HNRNPA1L2: variants seen among roughly 807,000 people sequenced by gnomAD.
HNRNPA1L2 encodes heterogeneous nuclear ribonucleoprotein A1 like 2.
Under a neutral mutation model 18.2 loss-of-function variants are expected in HNRNPA1L2, and 10 were observed. The ratio of observed to expected loss-of-function variants is 0.55; its 90% CI spans 0.34 to 0.93. HNRNPA1L2 has a LOEUF of 0.93. HNRNPA1L2 is among the 40% of genes least tolerant of loss of function. The pLI, the probability that HNRNPA1L2 is intolerant of heterozygous loss-of-function variation, is 0.02. For synonymous variants in HNRNPA1L2, 124 were observed against 138.6 expected (o/e 0.89, Z 0.74); for missense variants, 308 against 394.4 (o/e 0.78, Z 1.85).
the HNRNPA1L2 span, among the ~76,000 whole-genome samples, chr13:52,624,821 G>C: frequency 6.6e-6 from 1 of 152,142 alleles, no homozygotes; most frequent in African/African-American, 2.4e-5. Context: ...CTTGAGGTTA[G>C]GAGCTGAGAC....
At chr13:52,623,087 C>G in the HNRNPA1L2 span, among the ~76,000 whole-genome samples, 1,219 of 152,164 alleles carry the variant, frequency 8.0e-3, 6 homozygotes, top group African/African-American at 0.019. Flanking sequence ...TAAGCTAATT[C>G]AGACAATCAG....
the HNRNPA1L2 span, among the ~76,000 whole-genome samples, chr13:52,636,199 A>G: frequency 3.3e-5 from 5 of 152,158 alleles, no homozygotes; most frequent in African/African-American, 9.7e-5. Context: ...CCAAATTACA[A>G]CCCACATTTG....
At chr13:52,625,727 C>T in the HNRNPA1L2 span, among the ~76,000 whole-genome samples, 2 of 152,182 alleles carry the variant, frequency 1.3e-5, no homozygotes, top group African/African-American at 4.8e-5. Context: ...AAGCTTTATT[C>T]ACAGATAACA....
At chr13:52,641,827 A>G (rs562610958), upstream of HNRNPA1L2, 1 of 152,362 alleles carries the variant, frequency 6.6e-6, no homozygotes, top group African/African-American at 2.4e-5. Context: ...TTTCAATTGC[A>G]AGAAGCAAAC....
chr13:52,624,105 G>T, the HNRNPA1L2 span, among the ~76,000 whole-genome samples: 1 of 152,174 alleles, frequency 6.6e-6, no homozygotes, highest in South Asian at 2.1e-4. Context: ...AGAGGAAGTT[G>T]TATTTTGTTT....
chr13:52,638,051 C>T (rs1416067701), upstream of HNRNPA1L2, among the ~76,000 whole-genome samples: 1 of 152,182 alleles, frequency 6.6e-6, no homozygotes, highest in East Asian at 1.9e-4. Context: ...AAAGACCATC[C>T]ATATTCTAAT....
In HNRNPA1L2 at chr13:52,643,547, T is replaced by A. The variant is rs1283655084; in HGVS notation, c.*92T>A. On this transcript the variant is annotated 3_prime_UTR_variant, in exon 1 of 1. Coordinates refer to ENST00000357495, the MANE Select transcript of HNRNPA1L2 (RefSeq NM_001389320.1). ...GATTTGTGAACTCAGCCAAGCACAG[T>A]GGTGGCAGGGCCTAGCTGCTACAAA... 11 of 1,028,918 alleles carry A rather than the reference T, an allele frequency of 1.1e-5. No homozygotes were observed. The highest frequency in any genetic ancestry group is 5.9e-4 in the Middle Eastern group (2 of 3,406). 63.7% of individuals were successfully genotyped at this position (1,028,918 alleles called of 1,614,324 possible).
At chr13:52,628,195 C>T in the HNRNPA1L2 span, among the ~76,000 whole-genome samples, 1 of 152,096 alleles carries the variant, frequency 6.6e-6, no homozygotes, top group Non-Finnish European at 1.5e-5. Flanking sequence ...GTAATCCCAG[C>T]ACTTTGTGAG....
chr13:52,619,834 T>A, the HNRNPA1L2 span, among the ~76,000 whole-genome samples: 1 of 139,828 alleles, frequency 7.2e-6, no homozygotes, highest in South Asian at 2.2e-4. Flanking sequence ...GGCAGGAGAA[T>A]GGCGTGAACC....
chr13:52,620,975 C>G, the HNRNPA1L2 span, among the ~76,000 whole-genome samples: 3 of 152,082 alleles, frequency 2.0e-5, no homozygotes, highest in Admixed American at 6.6e-5. Context: ...TTCTTATTTA[C>G]TAATATATTG....
At chr13:52,618,209 G>T in the HNRNPA1L2 span, among the ~76,000 whole-genome samples, 1 of 151,930 alleles carries the variant, frequency 6.6e-6, no homozygotes, top group South Asian at 2.1e-4. Context: ...CATCCAACAA[G>T]TAATTGCTGG....
At chr13:52,631,329 G>A in the HNRNPA1L2 span, among the ~76,000 whole-genome samples, 1 of 152,220 alleles carries the variant, frequency 6.6e-6, no homozygotes, top group Admixed American at 6.5e-5. Flanking sequence ...CTTTCTTGAG[G>A]AATAGAAAAG....
chr13:52,618,118 A>T, the HNRNPA1L2 span, among the ~76,000 whole-genome samples: 10 of 152,232 alleles, frequency 6.6e-5, no homozygotes. Flanking sequence ...CGGAGCGTGT[A>T]GTTCCAGCAA....
chr13:52,632,538 C>T, the HNRNPA1L2 span: 1 of 153,232 alleles, frequency 6.5e-6, no homozygotes, highest in Non-Finnish European at 1.5e-5. Flanking sequence ...AATATTCCAT[C>T]TTTTCAAGAT....
the HNRNPA1L2 span, among the ~76,000 whole-genome samples, chr13:52,635,861 C>T: frequency 3.6e-5 from 5 of 139,776 alleles, no homozygotes; most frequent in Admixed American, 8.0e-5. Context: ...GACGGAGTCT[C>T]GCTCTGTAGC....
At chr13:52,624,625 C>T in the HNRNPA1L2 span, among the ~76,000 whole-genome samples, 4 of 152,222 alleles carry the variant, frequency 2.6e-5, no homozygotes, top group African/African-American at 4.8e-5. Context: ...CTTCTGATAA[C>T]GTTTTTTAAG....
the HNRNPA1L2 span, among the ~76,000 whole-genome samples, chr13:52,623,101 C>T: frequency 6.6e-6 from 1 of 151,976 alleles, no homozygotes; most frequent in Non-Finnish European, 1.5e-5. Flanking sequence ...CAATCAGTAC[C>T]CATAATAGGT....
chr13:52,635,931 G>A, the HNRNPA1L2 span, among the ~76,000 whole-genome samples: 1 of 149,870 alleles, frequency 6.7e-6, no homozygotes. Flanking sequence ...CCTGGGTCCC[G>A]GTTGAAGCAT....
At chr13:52,636,477 G>C in the HNRNPA1L2 span, among the ~76,000 whole-genome samples, 1 of 152,170 alleles carries the variant, frequency 6.6e-6, no homozygotes, top group African/African-American at 2.4e-5. Context: ...TAATATGATG[G>C]TGGTAATTAG....
Sources: gnomAD v4.1 joint callset for allele counts (sites outside exome capture counted in the v4.1 genomes callset) on GRCh38, gnomAD v4.1.1 for gene constraint, MANE v1.5 for transcripts, NCBI Gene and HGNC (gene_info 2026-07-23, HGNC 2026-07-21) for gene names.